Variants in MTBP observed in about 807,000 individuals in gnomAD.
The protein encoded by MTBP is MDM2 binding protein.
MTBP carries 101 observed loss-of-function variants against 117.0 expected under a neutral mutation model. That is an observed-to-expected ratio of 0.86 (90% CI 0.73 to 1.02). The LOEUF (loss-of-function observed/expected upper bound fraction) is 1.02. Ranked by LOEUF, MTBP falls within the 50% of genes least tolerant of loss-of-function variation. The pLI, the probability that MTBP is intolerant of heterozygous loss-of-function variation, is 0.00. For synonymous variants in MTBP, 350 were observed against 351.5 expected (o/e 1.00, Z 0.05); for missense variants, 970 against 1,030.9 (o/e 0.94, Z 0.81).
At chr8:120,483,113 C>T (rs1225869167) in intron 11 of MTBP, among the ~76,000 whole-genome samples, 1 of 151,614 alleles carries the variant, frequency 6.6e-6, no homozygotes, top group African/African-American at 2.4e-5. Flanking sequence ...TTGTTCAAAG[C>T]TTAGTCTGAT....
rs373414586 is a variant in MTBP, at chr8:120,497,468, A to G, written c.1523A>G (p.Lys508Arg). Residue 508 changes from lysine (K) to arginine (R), a missense_variant, in exon 14 of 22, where the codon AAA (lysine) becomes AGA (arginine). By Grantham distance (26) the Lys-to-Arg change is conservative. Coordinates refer to ENST00000305949, the MANE Select transcript of MTBP (RefSeq NM_022045.5). Reference protein sequence around the residue: ...ELKSLLVLTRKHFLDYFDAVI... With the variant: ...ELKSLLVLTRRHFLDYFDAVI... ...AAAAGTCTGTTAGTACTCACAAGGA[A>G]ACACTTTTTAGATTATTTTGATGCT... 3.1e-6 allele frequency: 5 copies of G among 1,605,928 alleles called. No homozygotes were observed. The highest frequency in any genetic ancestry group is 2.2e-5 in the East Asian group (1 of 44,712).
chr8:120,455,715 G>T, intron 6 of MTBP, 136 bp downstream of exon 6: 1 of 751,970 alleles, frequency 1.3e-6, no homozygotes, highest in Non-Finnish European at 2.1e-6. Context: ...TACCATGATT[G>T]CAAATTTGTG....
chr8:120,461,030 A>G, intron 8 of MTBP, 131 bp from the exon 9 acceptor site: 1 of 615,220 alleles, frequency 1.6e-6, no homozygotes, highest in Non-Finnish European at 2.8e-6. Context: ...AGAGGATTAA[A>G]TGCTAGGCAT....
intron 20 of MTBP, 89 bp downstream of exon 20, chr8:120,518,906 C>A: frequency 1.2e-6 from 1 of 803,430 alleles, no homozygotes. Flanking sequence ...ATTTTTTATA[C>A]TGAGAGCGTA....
chr8:120,467,199 T>A (rs890416864), intron 10 of MTBP, among the ~76,000 whole-genome samples: 5 of 152,250 alleles, frequency 3.3e-5, no homozygotes, highest in Admixed American at 6.5e-5. Flanking sequence ...TAGGGAGTTA[T>A]GATGTTCACT....
At chr8:120,459,933 T>C (rs898893353) in intron 8 of MTBP, among the ~76,000 whole-genome samples, 2 of 152,142 alleles carry the variant, frequency 1.3e-5, no homozygotes, top group Non-Finnish European at 1.5e-5. Flanking sequence ...TTATAAAATA[T>C]AATAACTAGG....
intron 6 of MTBP, 92 bp from the exon 7 acceptor site, chr8:120,456,461 A>C: frequency 1.3e-6 from 1 of 782,652 alleles, no homozygotes; most frequent in Non-Finnish European, 2.0e-6. Flanking sequence ...TAAATTTTGC[A>C]ATTTTGCCTC....
intron 17 of MTBP, among the ~76,000 whole-genome samples, 199 bp downstream of exon 17, chr8:120,510,228 G>A (rs776402390): frequency 3.3e-5 from 5 of 152,126 alleles, no homozygotes; most frequent in African/African-American, 1.2e-4. Flanking sequence ...CAGCTTAATA[G>A]CATTTAAGCA....
In MTBP at chr8:120,453,923, C is replaced by T. The variant is rs1222945223; in HGVS notation, c.484+18C>T. The T allele has an allele frequency of 6.7e-7, 1 of 1,482,662 alleles. No homozygotes were observed. The highest frequency in any genetic ancestry group is 1.2e-5 in the South Asian group (1 of 80,404). The allele number at this position is 1,482,662 out of a possible 1,614,324, so 91.8% of individuals were successfully genotyped here. ...TGCTCCTGGTAATATTTTATGACTG[C>T]TTTCAATAATTTGTATCTTATCTTA... On this transcript the variant is annotated intron_variant, in intron 5 of 21. Coordinates refer to ENST00000305949, the MANE Select transcript of MTBP (RefSeq NM_022045.5).
In MTBP at chr8:120,502,644, C is replaced by G. The variant is rs745802472; in HGVS notation, c.1727+35C>G. 70 of 1,246,696 alleles carry G rather than the reference C, an allele frequency of 5.6e-5. 2 individuals are homozygous for G. In the South Asian group the frequency reaches 9.7e-4, roughly 17 times the overall value. The allele number at this position is 1,246,696 out of a possible 1,614,324, so 77.2% of individuals were successfully genotyped here. ...GAATCTGTAGTAAAGCATGTGATAG[C>G]TCAGTAATTTGAATGAATTTTTTAA... On this transcript the variant is annotated intron_variant, in intron 15 of 21. Coordinates refer to ENST00000305949, the MANE Select transcript of MTBP (RefSeq NM_022045.5).
chr8:120,477,299 C>T (rs958167882), intron 11 of MTBP, among the ~76,000 whole-genome samples: 1 of 152,128 alleles, frequency 6.6e-6, no homozygotes, highest in African/African-American at 2.4e-5. Context: ...CATAAAAACC[C>T]TAGAAGAAAA....
intron 20 of MTBP, 57 bp downstream of exon 20, chr8:120,518,874 T>G: frequency 8.2e-7 from 1 of 1,222,784 alleles, no homozygotes; most frequent in Non-Finnish European, 1.2e-6. Context: ...TGTTCCTGTT[T>G]GACATAAAAA....
intron 11 of MTBP, chr8:120,472,932 G>A (rs1813851003): frequency 6.6e-6 from 1 of 152,152 alleles, no homozygotes; most frequent in Admixed American, 6.6e-5. Flanking sequence ...AAAGAACATG[G>A]CTAGAGAAGA....
At chr8:120,476,591 A>G (rs1192336588) in intron 11 of MTBP, among the ~76,000 whole-genome samples, 1 of 152,142 alleles carries the variant, frequency 6.6e-6, no homozygotes, top group South Asian at 2.1e-4. Context: ...CAAAAATTAC[A>G]AACATTCCTA....
intron 14 of MTBP, among the ~76,000 whole-genome samples, chr8:120,500,376 G>C (rs1352483303): frequency 6.6e-6 from 1 of 152,060 alleles, no homozygotes; most frequent in Non-Finnish European, 1.5e-5. Context: ...TTTAGCCTAT[G>C]TAATTTATTT....
intron 13 of MTBP, among the ~76,000 whole-genome samples, chr8:120,491,666 A>G (rs1814349879): frequency 6.6e-6 from 1 of 152,162 alleles, no homozygotes; most frequent in Admixed American, 6.5e-5. Context: ...TCATTTTTTA[A>G]CTTTGCTCTA....
chr8:120,493,549 G>T (rs1023483656), intron 13 of MTBP, among the ~76,000 whole-genome samples: 1 of 151,814 alleles, frequency 6.6e-6, no homozygotes, highest in Non-Finnish European at 1.5e-5. Context: ...GGAGTGCAGT[G>T]GCATGATCTT....
At chr8:120,464,551 A>G (rs1442801026) in intron 10 of MTBP, among the ~76,000 whole-genome samples, 1 of 152,026 alleles carries the variant, frequency 6.6e-6, no homozygotes, top group Non-Finnish European at 1.5e-5. Flanking sequence ...CAGTTTCCCT[A>G]TGGTGCTAAA....
At chr8:120,522,600 G>T in intron 20 of MTBP, 54 bp from the exon 21 acceptor site, 1 of 1,175,402 alleles carries the variant, frequency 8.5e-7, no homozygotes. Flanking sequence ...ATAATGAGTT[G>T]TTCTTTGTAA....
Sources: allele counts gnomAD v4.1 joint callset (sites outside exome capture counted in the v4.1 genomes callset), GRCh38; gene constraint gnomAD v4.1.1; transcripts MANE v1.5; gene names NCBI Gene and HGNC (gene_info 2026-07-23, HGNC 2026-07-21).